The following PSPC1 variants were observed in gnomAD, a reference collection of about 807,000 sequenced individuals.
PSPC1 encodes the protein paraspeckle protein 1.
A neutral mutation model predicts 51.6 loss-of-function variants in PSPC1; 14 were observed. The observed-to-expected ratio is 0.27, with a 90% CI of 0.18 to 0.42. The LOEUF (loss-of-function observed/expected upper bound fraction) is 0.42. Ranked by LOEUF, PSPC1 falls within the 10% of genes least tolerant of loss-of-function variation. The pLI is 1.00. For synonymous variants in PSPC1, 193 were observed against 231.9 expected (o/e 0.83, Z 1.53); for missense variants, 406 against 701.1 (o/e 0.58, Z 4.75).
chr13:19,747,742 CA>C (rs1886144055), intron 4 of PSPC1, among the ~76,000 whole-genome samples: 1 of 151,966 alleles, frequency 6.6e-6, no homozygotes, highest in African/African-American at 2.4e-5. Context: ...ACTTAAAATA[CA>C]AAAAGTGATT....
At chr13:19,741,971 A>G (rs1885478357) in intron 4 of PSPC1, among the ~76,000 whole-genome samples, 1 of 151,998 alleles carries the variant, frequency 6.6e-6, no homozygotes, top group South Asian at 2.1e-4. Flanking sequence ...AACTCTACCA[A>G]AACTACAAAA....
At chr13:19,699,713 T>C (rs1393223581), downstream of PSPC1, among the ~76,000 whole-genome samples, 3 of 151,934 alleles carry the variant, frequency 2.0e-5, no homozygotes, top group East Asian at 5.8e-4. Flanking sequence ...TTAAAGTAGT[T>C]TGCCATCCCC....
intron 4 of PSPC1, among the ~76,000 whole-genome samples, chr13:19,742,556 T>C (rs1320381250): frequency 1.3e-5 from 2 of 152,116 alleles, no homozygotes; most frequent in Non-Finnish European, 2.9e-5. Context: ...ATGGCCAACA[T>C]GGCGCAACCC....
Position 19,782,935 on chromosome 13 carries a change from T to C in PSPC1, c.-178A>G, listed in dbSNP as rs1890135636. The C allele has an allele frequency of 1.7e-6, 1 of 590,854 alleles. No individual in the cohort carries two copies. The highest frequency in any genetic ancestry group is 2.6e-6 in the Non-Finnish European group (1 of 384,826). 36.6% of individuals were successfully genotyped at this position (590,854 alleles called of 1,614,324 possible). A position where few individuals can be genotyped will look rare whatever the true frequency, so the allele number is the denominator to read the frequency against. Reference sequence around the variant, plus strand: ...AACTCACGCCCGCTGCAGCTGCACATTCAAAATGGCGCTGCCACAAACTGC... The same window carrying C: ...AACTCACGCCCGCTGCAGCTGCACACTCAAAATGGCGCTGCCACAAACTGC... On this transcript the variant is annotated 5_prime_UTR_variant, in exon 1 of 9. An upstream start codon of the reference 5' UTR is lost. Transcript: ENST00000338910. This position sits in a 1 kb window ranked among gnomAD's most constrained non-coding sequence, Gnocchi z 4.5.
intron 6 of PSPC1, among the ~76,000 whole-genome samples, chr13:19,721,433 C>T (rs1882755421): frequency 1.3e-5 from 2 of 152,062 alleles, no homozygotes; most frequent in Admixed American, 6.6e-5. Flanking sequence ...CATTCTGAAC[C>T]AAAAATTATT....
rs116223679 is a variant in PSPC1, at chr13:19,761,199, G to A, written c.675-1781C>T. Reference sequence around the variant, plus strand: ...CCAGACAAAAAGGGAAAAAGGGAAGGCAGAAGACACCAGACATTCAAGGAG... The same window carrying A: ...CCAGACAAAAAGGGAAAAAGGGAAGACAGAAGACACCAGACATTCAAGGAG... On this transcript the variant is annotated intron_variant, in intron 2 of 8. Transcript: ENST00000338910. Among the ~76,000 whole-genome samples the A allele has an allele frequency of 4.9e-3, 748 of 152,008 alleles. 7 individuals carry two copies. The highest frequency in any genetic ancestry group is 0.017 in the African/African-American group (695 of 41,478).
rs61024238 is a variant in PSPC1 at position 19,713,545 on chromosome 13, C to CAAAAA, written c.1159-3951_1159-3947dup. 1.1e-3 allele frequency among the ~76,000 whole-genome samples: 95 copies of CAAAAA among 87,052 alleles called. 2 individuals carry two copies. The highest frequency in any genetic ancestry group is 4.0e-3 in the East Asian group (11 of 2,780). 57.1% of individuals were successfully genotyped at this position (87,052 alleles called of 152,430 possible). On this transcript the variant is annotated intron_variant, in intron 6 of 8. Coordinates refer to ENST00000338910, the MANE Select transcript of PSPC1 (RefSeq NM_001354909.2). ...AACATATCTCCATGTCCCAGACAGC[C>CAAAAA]AAAAAAAAAAAAAAAAAAAAGAATT...
chr13:19,691,267 T>A (rs1351408967), intron 6 of PSPC1, among the ~76,000 whole-genome samples: 3 of 152,204 alleles, frequency 2.0e-5, no homozygotes, highest in Non-Finnish European at 4.4e-5. Flanking sequence ...ACACGTGTGA[T>A]CCCAGCACTT....
intron 6 of PSPC1, among the ~76,000 whole-genome samples, chr13:19,688,882 GT>G (rs1435480432): frequency 6.6e-6 from 1 of 150,612 alleles, no homozygotes; most frequent in African/African-American, 2.4e-5. Context: ...TCGCTTATTA[GT>G]TTATATGGCA....
intron 3 of PSPC1, among the ~76,000 whole-genome samples, chr13:19,755,358 C>T (rs980575647): frequency 6.6e-6 from 1 of 151,798 alleles, no homozygotes; most frequent in African/African-American, 2.4e-5. Context: ...GGGAGGCTGA[C>T]GCAGGCAGAT....
chr13:19,729,833 G>A (rs1380086194), intron 6 of PSPC1, among the ~76,000 whole-genome samples: 1 of 152,132 alleles, frequency 6.6e-6, no homozygotes, highest in East Asian at 1.9e-4. Context: ...TATACTTAAA[G>A]ATGTAAAAGA....
chr13:19,776,796 C>A (rs1889178840), intron 1 of PSPC1, among the ~76,000 whole-genome samples: 1 of 151,160 alleles, frequency 6.6e-6, no homozygotes, highest in Non-Finnish European at 1.5e-5. Flanking sequence ...CGTGAGCCAC[C>A]GCGCCCGGCC....
At position 19,782,437 on chromosome 13, in the gene PSPC1, C is replaced by A; in HGVS notation, c.321G>T (p.Glu107Asp). The change falls in exon 1 of 9, where the codon GAG becomes GAT. Residue 107 changes from glutamate to aspartate, a missense_variant. Transcript: ENST00000338910. This position sits in a 1 kb window ranked among gnomAD's most constrained non-coding sequence, Gnocchi z 4.5. ...DFKRLFERYGEPSEVFINRDR... is the reference protein window; with the variant it reads ...DFKRLFERYGDPSEVFINRDR... ...CCCGGTTGATGAAGACTTCGCTGGG[C>A]TCGCCATAGCGTTCGAAGAGCCTCT... The A allele has an allele frequency of 6.2e-7, 1 of 1,609,490 alleles. No homozygotes were observed. Among genetic ancestry groups the A allele is most frequent in the Non-Finnish European group, 8.5e-7 (1 of 1,177,882 alleles).
intron 3 of PSPC1, 84 bp downstream of exon 3, chr13:19,759,239 C>G: frequency 2.0e-6 from 2 of 1,018,998 alleles, no homozygotes; most frequent in East Asian, 5.1e-5. Context: ...ATAAACAGAA[C>G]ACCTCATAAT....
intron 6 of PSPC1, chr13:19,678,938 G>A (rs1483631182): frequency 1.3e-5 from 2 of 152,116 alleles, no homozygotes; most frequent in Admixed American, 1.3e-4. Context: ...ATTTTTTGTA[G>A]AGATGTGATT....
intron 5 of PSPC1, among the ~76,000 whole-genome samples, chr13:19,732,130 T>G (rs957032009): frequency 6.6e-6 from 1 of 152,192 alleles, no homozygotes; most frequent in Non-Finnish European, 1.5e-5. Flanking sequence ...GAACTTCATG[T>G]CAGACAACAT....
chr13:19,751,168 C>G lies in PSPC1; in HGVS notation c.967+103G>C, dbSNP rs537412102. The G allele has an allele frequency of 6.4e-5, 57 of 891,096 alleles. No homozygotes were observed. In the African/African-American group the frequency reaches 9.6e-4, roughly 15 times the overall value. 55.2% of individuals were successfully genotyped at this position (891,096 alleles called of 1,614,324 possible). ...CTAATATGTTGAGTTCCAACTTTAC[C>G]TCTAAACTCCTAAATGGCACTTTAC... is the stretch of plus-strand genomic sequence containing the variant. On this transcript the variant is annotated intron_variant, in intron 4 of 8. Transcript: ENST00000338910.
chr13:19,703,728 G>A (rs114686197), intron 8 of PSPC1, among the ~76,000 whole-genome samples: 1,648 of 151,542 alleles, frequency 0.011, 28 homozygotes, highest in African/African-American at 0.038. Context: ...AGAAAAATAC[G>A]TTCTTAAAAA....
At chr13:19,777,453 A>G (rs1190607873) in intron 1 of PSPC1, among the ~76,000 whole-genome samples, 6 of 148,562 alleles carry the variant, frequency 4.0e-5, no homozygotes, top group Non-Finnish European at 1.5e-5. Context: ...AAAAAAAAAG[A>G]TAACTTTTAC....
Sources: gnomAD v4.1 joint callset for allele counts (sites outside exome capture counted in the v4.1 genomes callset) on GRCh38, gnomAD v4.1.1 for gene constraint, Gnocchi (gnomAD v3.1) non-coding constraint, MANE v1.5 for transcripts, NCBI Gene and HGNC (gene_info 2026-07-23, HGNC 2026-07-21) for gene names.